IP6K2: variants seen among roughly 807,000 people sequenced by gnomAD.
IP6K2 encodes the protein ATP:1D-myo-inositol-hexakisphosphate phosphotransferase.
IP6K2 carries 9 observed loss-of-function variants against 43.3 expected under a neutral mutation model. The observed-to-expected ratio is 0.21, with a 90% CI of 0.13 to 0.36. IP6K2 has a LOEUF of 0.36. Among genes scored for constraint, IP6K2 ranks in the 10% least tolerant of loss-of-function variants. IP6K2 has a pLI of 1.00. For synonymous variants in IP6K2, 209 were observed against 202.4 expected, an observed-to-expected ratio of 1.03 and a Z score of -0.28; for missense variants, 332 against 538.4, an observed-to-expected ratio of 0.62 and a Z score of 3.79.
intron 1 of IP6K2, among the ~76,000 whole-genome samples, chr3:48,702,461 GA>G (rs2079167634): frequency 7.9e-6 from 1 of 126,252 alleles, no homozygotes; most frequent in Non-Finnish European, 1.6e-5. Context: ...TTTTTTTTTT[GA>G]GATAGAGTCT....
chr3:48,693,755 A>G, intron 2 of IP6K2: 1 of 1,037,970 alleles, frequency 9.6e-7, no homozygotes, highest in Non-Finnish European at 1.2e-6. Flanking sequence ...ACGGGTAGGC[A>G]CCCAGGCCTT....
chr3:48,689,515 G>A (rs2077591928), intron 5 of IP6K2, 23 bp downstream of exon 5: 4 of 1,598,140 alleles, frequency 2.5e-6, no homozygotes, highest in African/African-American at 2.7e-5. Flanking sequence ...GGATGCCCTA[G>A]CCAGCCCTAG....
At chr3:48,690,787 CAAA>C (rs538609739) in intron 4 of IP6K2, among the ~76,000 whole-genome samples, 2 of 51,200 alleles carry the variant, frequency 3.9e-5, no homozygotes, top group African/African-American at 7.4e-5. Flanking sequence ...GACTCTGTCT[CAAA>C]AAAAAAAAAA....
rs201009012 is a variant in IP6K2 at position 48,695,190 on chromosome 3, G to T, written c.102C>A (p.Arg34=). The change falls in exon 2 of 6, where the codon CGC becomes CGA. Residue 34 remains arginine, a synonymous_variant. Transcript: ENST00000328631. The surrounding 1 kb of genome is among the most constrained non-coding windows in gnomAD (Gnocchi z 4.6). ...GCTTGCACAGGGTTGTCTCATTGAA[G>T]CGGAGCACGCATGAGTGCCCCCCGA... ...HQVGGHSCVL[R]FNETTLCKPL... is the part of the protein sequence containing the mutation. The T allele has an allele frequency of 1.9e-6, 3 of 1,592,646 alleles. No individual in the cohort carries two copies. The African/African-American group carries it at 4.0e-5, about 21-fold the overall frequency.
chr3:48,695,533 T>C lies in IP6K2; in HGVS notation c.-130-112A>G, dbSNP rs371480119. The C allele has an allele frequency of 3.0e-4, 382 of 1,269,824 alleles. 5 individuals carry two copies. The South Asian group carries it at 0.011, about 36-fold the overall frequency. The allele number at this position is 1,269,824 out of a possible 1,614,324, so 78.7% of individuals were successfully genotyped here. A position where few individuals can be genotyped will look rare whatever the true frequency, so the allele number is the denominator to read the frequency against. On this transcript the variant is annotated intron_variant, in intron 1 of 5. Transcript: ENST00000328631. The surrounding 1 kb of genome is among the most constrained non-coding windows in gnomAD (Gnocchi z 4.6). ...GACAAAGACAAACAGTCTGAGTTCT[T>C]GCGGGACTCCGCCCATGCCACCCAC...
At chr3:48,692,884 T>G in intron 3 of IP6K2, 70 bp downstream of exon 3, 1 of 1,134,628 alleles carries the variant, frequency 8.8e-7, no homozygotes, top group South Asian at 1.3e-5. Context: ...TCCAGGGAAC[T>G]GGGCTGTAAC....
chr3:48,705,868 A>AAAAAAAAT (rs1302479965), intron 1 of IP6K2, among the ~76,000 whole-genome samples: 6 of 143,506 alleles, frequency 4.2e-5, no homozygotes, highest in African/African-American at 7.6e-5. Context: ...AATAAAAAAT[A>AAAAAAAAT]AAAAAAATAA....
At chr3:48,712,874 G>A (rs936501291) in intron 1 of IP6K2, among the ~76,000 whole-genome samples, 12 of 151,976 alleles carry the variant, frequency 7.9e-5, no homozygotes, top group African/African-American at 2.9e-4. Flanking sequence ...TTACCCAGGC[G>A]TGGTGGCAGA....
intron 1 of IP6K2, among the ~76,000 whole-genome samples, chr3:48,706,268 G>C (rs770415014): frequency 1.1e-4 from 16 of 151,950 alleles, no homozygotes; most frequent in Non-Finnish European, 1.5e-4. Context: ...ACCAGCCTCG[G>C]CAACACAGCA....
intron 2 of IP6K2, chr3:48,693,862 G>T (rs1001062959): frequency 1.1e-4 from 133 of 1,180,238 alleles, no homozygotes; most frequent in Middle Eastern, 3.5e-4. Context: ...GGGGAGCACA[G>T]ACATGTGGTG....
Position 48,689,544 on chromosome 3 carries a change from G to T in IP6K2, c.774C>A (p.Gly258=). Residue 258 remains glycine, a synonymous_variant, in exon 5 of 6, where the codon GGC becomes GGA. Transcript: ENST00000328631. ...GCCCTAGCATCCCCCTCACCTGCAT[G>T]CCACACACACGCACACCAATGACTG... ...TSAVIGVRVC[G]MQVYQAGSGQ... is the part of the protein sequence containing the mutation. The T allele has an allele frequency of 6.2e-7, 1 of 1,611,984 alleles. No individual in the cohort carries two copies.
chr3:48,715,281 C>T (rs776573675), intron 1 of IP6K2: 1 of 1,535,976 alleles, frequency 6.5e-7, no homozygotes, highest in East Asian at 2.4e-5. Flanking sequence ...CCCAGTGCAT[C>T]CTCTTTATGA....
chr3:48,698,437 G>C (rs147691536), intron 1 of IP6K2, among the ~76,000 whole-genome samples: 67 of 152,214 alleles, frequency 4.4e-4, no homozygotes, highest in African/African-American at 1.4e-3. Flanking sequence ...TTGAGACTAG[G>C]AGTTGACAAC....
intron 2 of IP6K2, 166 bp from the exon 3 acceptor site, chr3:48,693,345 A>G: frequency 9.0e-7 from 1 of 1,108,566 alleles, no homozygotes; most frequent in Non-Finnish European, 1.4e-6. Flanking sequence ...ACAGCTAGAA[A>G]AGATGACACC....
chr3:48,693,522 TTA>T (rs1186815716), intron 2 of IP6K2: 1 of 1,231,046 alleles, frequency 8.1e-7, no homozygotes, highest in Non-Finnish European at 1.0e-6. Context: ...ACATTGCTCT[TTA>T]TAGTTTGCGG....
chr3:48,715,621 TA>T, intron 1 of IP6K2: 1 of 643,800 alleles, frequency 1.6e-6, no homozygotes, highest in Non-Finnish European at 2.6e-6. Flanking sequence ...AGGCCCTGCA[TA>T]AAAAACAAAC....
chr3:48,701,963 G>A (rs756215977), intron 1 of IP6K2, among the ~76,000 whole-genome samples: 17 of 151,966 alleles, frequency 1.1e-4, no homozygotes, highest in Non-Finnish European at 1.9e-4. Flanking sequence ...AAACTCATTG[G>A]CTGAAATTTC....
intron 1 of IP6K2, among the ~76,000 whole-genome samples, chr3:48,699,998 T>G (rs1321394656): frequency 1.3e-5 from 2 of 152,218 alleles, no homozygotes; most frequent in African/African-American, 4.8e-5. Flanking sequence ...GAGACTAGCC[T>G]GGGCTATGTA....
At chr3:48,689,768 G>T in intron 4 of IP6K2, 55 bp from the exon 5 acceptor site, 1 of 1,498,468 alleles carries the variant, frequency 6.7e-7, no homozygotes. Flanking sequence ...TGGGTCCTTG[G>T]CACTCTCAAG....
Sources: allele counts gnomAD v4.1 joint callset (sites outside exome capture counted in the v4.1 genomes callset), GRCh38; gene constraint gnomAD v4.1.1; non-coding constraint Gnocchi (gnomAD v3.1); transcripts MANE v1.5; gene names NCBI Gene and HGNC (gene_info 2026-07-23, HGNC 2026-07-21).